The following GRIK3 variants were observed in gnomAD, a reference collection of about 807,000 sequenced individuals.
GRIK3 encodes the protein glutamate receptor ionotropic, kainate 3.
In GRIK3, 29 loss-of-function variants were observed where a neutral mutation model predicts 102.5. The ratio of observed to expected loss-of-function variants is 0.28; its 90% CI spans 0.21 to 0.39. The LOEUF (loss-of-function observed/expected upper bound fraction) is 0.39, where lower values mean the gene tolerates loss of function less well. GRIK3 is among the 10% of genes least tolerant of loss of function. GRIK3 has a pLI of 1.00. For missense variants in GRIK3, 908 were observed against 1,252.4 expected (o/e 0.73, Z 4.15); for synonymous variants, 511 against 504.9 (o/e 1.01, Z -0.16).
In GRIK3 at chr1:37,023,017, T is replaced by C. The variant is rs560563118; in HGVS notation, c.115+10977A>G. ...ATGTTCATTGAAACCTTAGTATGAG[T>C]AGAAGTTGGCCAGAAAGAAATAGAG... On this transcript the variant is annotated intron_variant, in intron 1 of 15. Transcript: ENST00000373091. 1.2e-4 allele frequency among the ~76,000 whole-genome samples: 18 copies of C among 152,132 alleles called. No individual in the cohort carries two copies. In the South Asian group the frequency reaches 2.1e-3, roughly 18 times the overall value.
At position 36,853,555 on chromosome 1, in the gene GRIK3, C is replaced by T. The variant is rs558021228; in HGVS notation, c.1212+60G>A. ...TCTGGGCCTCTGACTGAGGTCTGCCCTAGGAGATTTAAGAAGCCCCTGCTC... is the reference window on the plus strand; with the variant it reads ...TCTGGGCCTCTGACTGAGGTCTGCCTTAGGAGATTTAAGAAGCCCCTGCTC... On this transcript the variant is annotated intron_variant, in intron 8 of 15. Coordinates refer to ENST00000373091, the MANE Select transcript of GRIK3 (RefSeq NM_000831.4). 3.5e-5 allele frequency: 39 copies of T among 1,116,736 alleles called. No homozygotes were observed. The South Asian group carries it at 4.8e-4, about 14-fold the overall frequency. 69.2% of individuals were successfully genotyped at this position (1,116,736 alleles called of 1,614,324 possible).
chr1:36,880,657 G>A lies in GRIK3; in HGVS notation c.527C>T (p.Thr176Ile), dbSNP rs1276559407. 1.2e-6 allele frequency: 2 copies of A among 1,614,190 alleles called. No individual in the cohort carries two copies. The highest frequency in any genetic ancestry group is 1.1e-5 in the South Asian group (1 of 91,086). The change falls in exon 3 of 16, where the codon ACC (threonine) becomes ATC (isoleucine). Residue 176 changes from threonine to isoleucine, a missense_variant. Coordinates refer to ENST00000373091, the MANE Select transcript of GRIK3 (RefSeq NM_000831.4). This position sits in a 1 kb window ranked among gnomAD's most constrained non-coding sequence, Gnocchi z 5.4. The part of the protein sequence containing the change: ...LVQYLKWRSA[T>I]VVYDDSTGLI... ...ACCTGTACTGTCGTCATAGACCACG[G>A]TGGCTGACCGCCACTTGAGGTACTG...
At chr1:36,862,393 C>T (rs1334458066) in intron 5 of GRIK3, among the ~76,000 whole-genome samples, 4 of 152,108 alleles carry the variant, frequency 2.6e-5, no homozygotes, top group East Asian at 3.9e-4. Context: ...TCTATGTCCT[C>T]GGTGGGTGTC....
At chr1:37,032,458 G>C (rs1412258713) in intron 1 of GRIK3, among the ~76,000 whole-genome samples, 1 of 151,912 alleles carries the variant, frequency 6.6e-6, no homozygotes. Flanking sequence ...GAAGGAGACA[G>C]GGAATAAAGG....
intron 7 of GRIK3, among the ~76,000 whole-genome samples, chr1:36,854,889 C>T (rs1288366224): frequency 1.3e-5 from 2 of 152,164 alleles, no homozygotes; most frequent in African/African-American, 4.8e-5. Context: ...CTCAAGGGGG[C>T]CATGGGTCGC....
At chr1:36,862,619 A>C (rs1250495692) in intron 5 of GRIK3, among the ~76,000 whole-genome samples, 1 of 151,982 alleles carries the variant, frequency 6.6e-6, no homozygotes, top group Admixed American at 6.6e-5. Context: ...CAAAGAGGGG[A>C]GAGAATAAAT....
At chr1:36,986,370 T>C (rs1642304607) in intron 1 of GRIK3, among the ~76,000 whole-genome samples, 2 of 150,438 alleles carry the variant, frequency 1.3e-5, no homozygotes, top group African/African-American at 4.9e-5. Context: ...CATCCGTCAG[T>C]CCGCCCATCC....
At chr1:37,017,437 T>C (rs1642664528) in intron 1 of GRIK3, among the ~76,000 whole-genome samples, 1 of 146,872 alleles carries the variant, frequency 6.8e-6, no homozygotes, top group African/African-American at 2.5e-5. Flanking sequence ...TTTAAAAAGA[T>C]TTCTAAAAAC....
intron 1 of GRIK3, among the ~76,000 whole-genome samples, chr1:37,023,321 T>C (rs1642734722): frequency 7.3e-6 from 1 of 137,860 alleles, no homozygotes; most frequent in Non-Finnish European, 1.5e-5. Flanking sequence ...AGTGAGACTC[T>C]ATCTCAAAAA....
chr1:36,890,469 A>C (rs930620219), intron 2 of GRIK3, among the ~76,000 whole-genome samples: 1 of 151,998 alleles, frequency 6.6e-6, no homozygotes, highest in African/African-American at 2.4e-5. Context: ...GTCTAAAAAA[A>C]AAAAAAAATG....
At position 37,003,018 on chromosome 1, in the gene GRIK3, G is replaced by GTTT. The variant is rs1306169886; in HGVS notation, c.115+30975_115+30976insAAA. On this transcript the variant is annotated intron_variant, in intron 1 of 15. Transcript: ENST00000373091. ...TTAAAATAAAGGGTTAATAAAAGCT[G>GTTT]TTGTTTTTTTTTTTTTTTTTGTCCC... is the stretch of plus-strand genomic sequence containing the variant. Among the ~76,000 whole-genome samples, 22 of 82,648 alleles carry GTTT rather than the reference G, an allele frequency of 2.7e-4. 1 individual carries two copies. Among genetic ancestry groups the GTTT allele is most frequent in the African/African-American group, 1.1e-3 (22 of 20,684 alleles). 54.2% of individuals were successfully genotyped at this position (82,648 alleles called of 152,430 possible). A position where few individuals can be genotyped will look rare whatever the true frequency, so the allele number is the denominator to read the frequency against.
At chr1:36,836,605 C>T (rs2124210306) in intron 10 of GRIK3, among the ~76,000 whole-genome samples, 1 of 152,366 alleles carries the variant, frequency 6.6e-6, no homozygotes, top group South Asian at 2.1e-4. Flanking sequence ...ATACAATATG[C>T]TAAGGCTACC....
intron 2 of GRIK3, among the ~76,000 whole-genome samples, chr1:36,887,912 T>C (rs924928850): frequency 6.6e-6 from 1 of 151,918 alleles, no homozygotes; most frequent in African/African-American, 2.4e-5. Flanking sequence ...CTTTACCAAG[T>C]GCTAGTGAAG....
At chr1:36,916,120 C>T (rs758385725) in intron 1 of GRIK3, among the ~76,000 whole-genome samples, 17 of 152,190 alleles carry the variant, frequency 1.1e-4, no homozygotes, top group Non-Finnish European at 1.8e-4. Context: ...TTGTTGGAAA[C>T]TGGAGCAAAG....
chr1:36,828,222 A>C (rs192246159), intron 10 of GRIK3, among the ~76,000 whole-genome samples: 16 of 152,148 alleles, frequency 1.1e-4, no homozygotes, highest in Admixed American at 1.0e-3. Flanking sequence ...GATACCCTGA[A>C]AGGTTCCTTT....
At chr1:36,895,184 T>C (rs1324799895) in intron 1 of GRIK3, among the ~76,000 whole-genome samples, 1 of 152,164 alleles carries the variant, frequency 6.6e-6, no homozygotes, top group Non-Finnish European at 1.5e-5. Flanking sequence ...AAAGGCCTTA[T>C]TTTCAGCAGT....
chr1:36,860,011 A>C lies in GRIK3; in HGVS notation c.793T>G (p.Tyr265Asp), dbSNP rs1390941788. 6.3e-7 allele frequency: 1 copy of C among 1,590,674 alleles called. No homozygotes were observed. The highest frequency in any genetic ancestry group is 8.6e-7 in the Non-Finnish European group (1 of 1,168,908). Residue 265 changes from tyrosine (Y) to aspartate (D), a missense_variant, in exon 6 of 16, where the codon TAC becomes GAC. Tyr to Asp is a radical substitution (Grantham distance 160). Transcript: ENST00000373091. ...CGGTAGGGCTCCAGGTCTAAAGCGT[A>C]GAGATCCTGGATAGAGAGAGGTCTG... ...YHFIFTTLDL[Y>D]ALDLEPYRYS...
intron 4 of GRIK3, among the ~76,000 whole-genome samples, chr1:36,871,163 T>C (rs977087871): frequency 6.6e-6 from 1 of 152,206 alleles, no homozygotes; most frequent in Non-Finnish European, 1.5e-5. Flanking sequence ...GAATGACTCC[T>C]GGGCCTCTTG....
chr1:36,805,988 C>A, intron 14 of GRIK3, 116 bp downstream of exon 14: 91 of 428,506 alleles, frequency 2.1e-4, no homozygotes, highest in Middle Eastern at 1.3e-3. Flanking sequence ...AAAGAGAAAA[C>A]GTCACCTTTA....
Sources: allele counts gnomAD v4.1 joint callset (sites outside exome capture counted in the v4.1 genomes callset), GRCh38; gene constraint gnomAD v4.1.1; non-coding constraint Gnocchi (gnomAD v3.1); transcripts MANE v1.5; gene names NCBI Gene and HGNC (gene_info 2026-07-23, HGNC 2026-07-21).